The following MRPL39 variants were observed in gnomAD, a reference collection of about 807,000 sequenced individuals.
MRPL39 encodes large ribosomal subunit protein mL39.
In MRPL39, 35 loss-of-function variants were observed where a neutral mutation model predicts 44.5. The observed-to-expected ratio is 0.79, with a 90% CI of 0.60 to 1.04. MRPL39 has a LOEUF of 1.04. Ranked by LOEUF, MRPL39 falls within the 50% of genes least tolerant of loss-of-function variation. The probability of loss-of-function intolerance (pLI) is 0.00; values close to 1 mark genes in which losing one functional copy is unlikely to be tolerated. For missense variants in MRPL39, 433 were observed against 413.5 expected (o/e 1.05, Z -0.41); for synonymous variants, 139 against 136.1 (o/e 1.02, Z -0.15).
chr21:25,599,066 A>G (rs148755372), intron 5 of MRPL39, among the ~76,000 whole-genome samples: 1 of 152,268 alleles, frequency 6.6e-6, no homozygotes, highest in East Asian at 1.9e-4. Context: ...GTATTTGCCT[A>G]TTCTCCCCAA....
chr21:25,593,679 A>G (rs1263403991), intron 7 of MRPL39, among the ~76,000 whole-genome samples: 1 of 152,228 alleles, frequency 6.6e-6, no homozygotes, highest in African/African-American at 2.4e-5. Context: ...AGCAAACAAT[A>G]AAATGAGGAT....
chr21:25,595,489 C>T (rs911442842), intron 6 of MRPL39, among the ~76,000 whole-genome samples: 2 of 152,134 alleles, frequency 1.3e-5, no homozygotes, highest in Non-Finnish European at 2.9e-5. Context: ...TCCCAGAAGC[C>T]GCTACCAGTC....
At chr21:25,589,081 G>GC (rs1232567079) in intron 8 of MRPL39, among the ~76,000 whole-genome samples, 199 bp from the exon 9 acceptor site, 1 of 152,112 alleles carries the variant, frequency 6.6e-6, no homozygotes, top group Non-Finnish European at 1.5e-5. Flanking sequence ...TTCTTCAATC[G>GC]CATGAACCCG....
chr21:25,593,327 A>G (rs74468704), intron 7 of MRPL39, among the ~76,000 whole-genome samples: 12,650 of 152,282 alleles, frequency 0.083, 855 homozygotes, highest in East Asian at 0.37. Context: ...GATTGTGTTC[A>G]GAAACAAAGG....
rs2031591770 is a variant in MRPL39 at position 25,603,900 on chromosome 21, C to G, written c.316G>C (p.Ala106Pro). The G allele has an allele frequency of 1.9e-6, 3 of 1,611,484 alleles. No individual in the cohort carries two copies. Among genetic ancestry groups the G allele is most frequent in the Non-Finnish European group, 2.5e-6 (3 of 1,179,050 alleles). The change falls in exon 3 of 10, where the codon GCT becomes CCT. Residue 106 changes from alanine to proline, a missense_variant. Transcript: ENST00000352957. ...TCCCAAGGCTGTCCATCCACCAGAG[C>G]CAGAATGGACTTCCTGCAATACCAC... is the stretch of plus-strand genomic sequence containing the variant. The part of the protein sequence containing the change: ...SEWYCRKSIL[A>P]LVDGQPWDMY...
At chr21:25,599,398 C>T (rs1367258488) in intron 5 of MRPL39, among the ~76,000 whole-genome samples, 2 of 152,100 alleles carry the variant, frequency 1.3e-5, no homozygotes, top group African/African-American at 2.4e-5. Context: ...TGTGCTCCAG[C>T]GACCCAAACA....
At chr21:25,603,757 T>C (rs199838152) in intron 3 of MRPL39, 39 bp downstream of exon 3, 1,391 of 1,566,288 alleles carry the variant, frequency 8.9e-4, no homozygotes, top group Non-Finnish European at 9.0e-4. Context: ...AAGGTGAAGA[T>C]ACTGGGGAAA....
intron 9 of MRPL39, among the ~76,000 whole-genome samples, chr21:25,587,389 GA>G (rs879574291): frequency 3.3e-5 from 5 of 151,588 alleles, no homozygotes; most frequent in Admixed American, 6.6e-5. Context: ...CTTCTCATGA[GA>G]AAAAAAATTA....
At chr21:25,607,492 G>A (rs529449272), upstream of MRPL39, 3 of 1,608,946 alleles carry the variant, frequency 1.9e-6, no homozygotes, top group South Asian at 2.2e-5. Context: ...GGTGAGAACC[G>A]TCGCGCGCAA....
At chr21:25,592,997 G>A (rs1601372713) in intron 7 of MRPL39, 32 bp from the exon 8 acceptor site, 2 of 1,534,556 alleles carry the variant, frequency 1.3e-6, no homozygotes, top group South Asian at 1.3e-5. Flanking sequence ...AAACAAAACT[G>A]CAACATCAAA....
chr21:25,595,261 G>A (rs2031320934), intron 6 of MRPL39, among the ~76,000 whole-genome samples: 1 of 152,120 alleles, frequency 6.6e-6, no homozygotes, highest in African/African-American at 2.4e-5. Flanking sequence ...GCACTAATAA[G>A]GGTGCCAATT....
intron 6 of MRPL39, among the ~76,000 whole-genome samples, chr21:25,596,069 T>G (rs1007917800): frequency 6.6e-6 from 1 of 152,234 alleles, no homozygotes; most frequent in Non-Finnish European, 1.5e-5. Context: ...CAATGTCCAC[T>G]TTGGGAGACC....
chr21:25,607,287 G>A lies in MRPL39; in HGVS notation c.73+116C>T. On this transcript the variant is annotated intron_variant, in intron 1 of 9. Coordinates refer to ENST00000352957, the MANE Select transcript of MRPL39 (RefSeq NM_017446.4). ...AGAGCGACCGCCGCGGAGGGACTAA[G>A]AAACCCTCCTCCTTCCTCTGCCCCG... The A allele has an allele frequency of 7.0e-6, 8 of 1,141,288 alleles. No homozygotes were observed. In the South Asian group the frequency reaches 1.1e-4, roughly 15 times the overall value. The allele number at this position is 1,141,288 out of a possible 1,614,324, so 70.7% of individuals were successfully genotyped here. A position where few individuals can be genotyped will look rare whatever the true frequency, so the allele number is the denominator to read the frequency against.
chr21:25,607,648 A>C, upstream of MRPL39: 1 of 658,522 alleles, frequency 1.5e-6, no homozygotes, highest in Non-Finnish European at 2.5e-6. Context: ...AGACCCCGAG[A>C]CTCGGAGCCG....
intron 9 of MRPL39, among the ~76,000 whole-genome samples, chr21:25,586,083 TCA>T (rs1417843597): frequency 6.6e-6 from 1 of 152,218 alleles, no homozygotes; most frequent in East Asian, 1.9e-4. Context: ...CTATTTTAAA[TCA>T]GTTTATTTTC....
intron 2 of MRPL39, among the ~76,000 whole-genome samples, chr21:25,606,088 G>C (rs141856487): frequency 6.6e-6 from 1 of 152,200 alleles, no homozygotes; most frequent in African/African-American, 2.4e-5. Flanking sequence ...TAAGGTGCCA[G>C]ATAAAGAACC....
In MRPL39 at chr21:25,588,835, C is replaced by A. The variant is rs753772257; in HGVS notation, c.969G>T (p.Met323Ile). 6.2e-7 allele frequency: 1 copy of A among 1,611,778 alleles called. No homozygotes were observed. The highest frequency in any genetic ancestry group is 8.5e-7 in the Non-Finnish European group (1 of 1,178,598). The change falls in exon 9 of 10, where the codon ATG becomes ATT. Residue 323 changes from methionine (M) to isoleucine (I), a missense_variant and splice_region_variant. Met to Ile is a conservative substitution (Grantham distance 10). Transcript: ENST00000352957. ...WDKLLERSRK[M>I]VTEDQSKATE... ...CTCAATAGCTGTCAAAAACACTTAC[C>A]ATTTTCCGAGATCTTTCCAATAGCT...
At chr21:25,588,330 A>C (rs1312612749) in intron 9 of MRPL39, among the ~76,000 whole-genome samples, 1 of 152,070 alleles carries the variant, frequency 6.6e-6, no homozygotes, top group Admixed American at 6.6e-5. Flanking sequence ...AAAGAAAAGA[A>C]ATACTATCAT....
chr21:25,592,850 G>C lies in MRPL39; in HGVS notation c.883C>G (p.Arg295Gly). ...NLQPTQPSLI[R>G]RFQGVSLPVH... Reference sequence around the variant, plus strand: ...GGTAAAGACACGCCCTGGAATCTTCGTATGAGACTTGGCTGGGTGGGTTGA... The same window carrying C: ...GGTAAAGACACGCCCTGGAATCTTCCTATGAGACTTGGCTGGGTGGGTTGA... Residue 295 changes from arginine (R) to glycine (G), a missense_variant, in exon 8 of 10, where the codon CGA becomes GGA. Coordinates refer to ENST00000352957, the MANE Select transcript of MRPL39 (RefSeq NM_017446.4). The C allele has an allele frequency of 1.2e-6, 2 of 1,612,348 alleles. No homozygotes were observed. The highest frequency in any genetic ancestry group is 8.5e-7 in the Non-Finnish European group (1 of 1,178,468).
Sources: gnomAD v4.1 joint callset for allele counts (sites outside exome capture counted in the v4.1 genomes callset) on GRCh38, gnomAD v4.1.1 for gene constraint, MANE v1.5 for transcripts, NCBI Gene and HGNC (gene_info 2026-07-23, HGNC 2026-07-21) for gene names.